ST6GALNAC5: variants seen among roughly 807,000 people sequenced by gnomAD.
ST6GALNAC5 encodes the protein ST6 N-acetylgalactosaminide alpha-2,6-sialyltransferase 5, also known as alpha-N-acetylgalactosaminide alpha-2,6-sialyltransferase 5.
In ST6GALNAC5, 27 loss-of-function variants were observed where a neutral mutation model predicts 33.6. The observed-to-expected ratio is 0.80, with a 90% CI of 0.59 to 1.11. ST6GALNAC5 has a LOEUF of 1.11. Among genes scored for constraint, ST6GALNAC5 ranks in the 50% least tolerant of loss-of-function variants. The pLI is 0.00. For synonymous variants in ST6GALNAC5, 194 were observed against 171.2 expected, an observed-to-expected ratio of 1.13 and a Z score of -1.04; for missense variants, 428 against 454.0, an observed-to-expected ratio of 0.94 and a Z score of 0.52.
At chr1:76,909,950 A>G (rs986423248) in intron 2 of ST6GALNAC5, among the ~76,000 whole-genome samples, 3 of 152,070 alleles carry the variant, frequency 2.0e-5, no homozygotes, top group African/African-American at 7.2e-5. Flanking sequence ...AAATAACAAT[A>G]AGAAAACACC....
chr1:77,007,566 G>C (rs1650471756), intron 2 of ST6GALNAC5, among the ~76,000 whole-genome samples: 1 of 152,210 alleles, frequency 6.6e-6, no homozygotes, highest in Non-Finnish European at 1.5e-5. Context: ...ATTGTTTAAA[G>C]AGGAAGAAGT....
At chr1:76,996,092 A>G (rs934463104) in intron 2 of ST6GALNAC5, among the ~76,000 whole-genome samples, 3 of 152,212 alleles carry the variant, frequency 2.0e-5, no homozygotes, top group African/African-American at 7.2e-5. Context: ...ATTGTCCCCC[A>G]TACCAGTCTG....
At chr1:77,018,313 AAC>A (rs1463084906) in intron 2 of ST6GALNAC5, among the ~76,000 whole-genome samples, 1 of 152,224 alleles carries the variant, frequency 6.6e-6, no homozygotes, top group Non-Finnish European at 1.5e-5. Context: ...GAATCTTAAC[AAC>A]AGTTAGAAAC....
At chr1:76,966,967 A>C (rs1177714059) in intron 2 of ST6GALNAC5, among the ~76,000 whole-genome samples, 1 of 152,166 alleles carries the variant, frequency 6.6e-6, no homozygotes, top group Non-Finnish European at 1.5e-5. Context: ...GTGGTGCATA[A>C]GCTTTTTGAT....
intron 2 of ST6GALNAC5, among the ~76,000 whole-genome samples, chr1:76,975,312 T>C (rs1648962679): frequency 6.6e-6 from 1 of 152,170 alleles, no homozygotes; most frequent in South Asian, 2.1e-4. Flanking sequence ...CAAATGATTT[T>C]TTGTATCTAT....
intron 2 of ST6GALNAC5, among the ~76,000 whole-genome samples, chr1:76,985,330 A>G (rs1426520913): frequency 6.6e-6 from 1 of 152,216 alleles, no homozygotes; most frequent in Non-Finnish European, 1.5e-5. Context: ...AGGATACAAA[A>G]TCAAGTGCAA....
chr1:77,025,596 G>A (rs547921639), intron 2 of ST6GALNAC5, among the ~76,000 whole-genome samples: 34 of 152,292 alleles, frequency 2.2e-4, no homozygotes, highest in Admixed American at 1.8e-3. Flanking sequence ...AACATGGGGT[G>A]CATCTGTAGC....
intron 4 of ST6GALNAC5, among the ~76,000 whole-genome samples, chr1:77,059,671 A>T (rs933783415): frequency 6.6e-6 from 1 of 152,188 alleles, no homozygotes; most frequent in African/African-American, 2.4e-5. Flanking sequence ...CTTTCAGGTT[A>T]TGCAGGTAGC....
At chr1:76,975,179 G>A (rs1456531784) in intron 2 of ST6GALNAC5, among the ~76,000 whole-genome samples, 1 of 152,002 alleles carries the variant, frequency 6.6e-6, no homozygotes, top group Non-Finnish European at 1.5e-5. Context: ...GATACTTCTA[G>A]TATTTCTCCA....
At chr1:76,944,566 G>T (rs1465538526) in intron 2 of ST6GALNAC5, among the ~76,000 whole-genome samples, 2 of 152,044 alleles carry the variant, frequency 1.3e-5, no homozygotes, top group African/African-American at 2.4e-5. Context: ...GGCATCCCCA[G>T]TGCTGGTATG....
intron 2 of ST6GALNAC5, among the ~76,000 whole-genome samples, chr1:77,043,090 GAGACAGTACAGGA>G: frequency 6.6e-6 from 1 of 152,342 alleles, no homozygotes; most frequent in Non-Finnish European, 1.5e-5. Context: ...TCAATTTCCT[GAGACAGTACAGGA>G]AGCCAGCGTG....
At chr1:76,895,705 G>A (rs1654116221) in intron 2 of ST6GALNAC5, among the ~76,000 whole-genome samples, 3 of 152,164 alleles carry the variant, frequency 2.0e-5, no homozygotes, top group Admixed American at 1.3e-4. Flanking sequence ...AGTGTAAACT[G>A]GCAGTGTAAA....
At chr1:76,989,884 G>A (rs998714763) in intron 2 of ST6GALNAC5, among the ~76,000 whole-genome samples, 22 of 152,048 alleles carry the variant, frequency 1.4e-4, no homozygotes, top group African/African-American at 5.1e-4. Context: ...CATCACTTGC[G>A]GGAAGGAAAT....
chr1:77,033,546 A>T (rs1235345052), intron 2 of ST6GALNAC5, among the ~76,000 whole-genome samples: 1 of 152,140 alleles, frequency 6.6e-6, no homozygotes, highest in Non-Finnish European at 1.5e-5. Flanking sequence ...TAACGTATGT[A>T]TTGGGCTCGG....
intron 2 of ST6GALNAC5, among the ~76,000 whole-genome samples, chr1:76,923,541 A>C (rs1189039796): frequency 1.3e-5 from 2 of 151,980 alleles, no homozygotes; most frequent in Admixed American, 1.3e-4. Context: ...AAAAATACAA[A>C]AATTAGCCAG....
chr1:76,994,962 C>T (rs553932349), intron 2 of ST6GALNAC5, among the ~76,000 whole-genome samples: 10 of 152,250 alleles, frequency 6.6e-5, no homozygotes, highest in African/African-American at 2.4e-4. Flanking sequence ...TTTCTAAGGT[C>T]AGCTTTAAGG....
chr1:77,021,666 T>G (rs1033855310), intron 2 of ST6GALNAC5, among the ~76,000 whole-genome samples: 1 of 152,228 alleles, frequency 6.6e-6, no homozygotes, highest in Non-Finnish European at 1.5e-5. Flanking sequence ...TGTCTTTCTT[T>G]GTGGATATTC....
intron 2 of ST6GALNAC5, among the ~76,000 whole-genome samples, chr1:76,929,307 G>A (rs1035408922): frequency 2.0e-5 from 3 of 152,220 alleles, no homozygotes; most frequent in African/African-American, 4.8e-5. Flanking sequence ...TTGAGAGGCC[G>A]AGGCAGGAGG....
intron 2 of ST6GALNAC5, among the ~76,000 whole-genome samples, chr1:76,924,658 AT>A (rs1287362749): frequency 6.6e-6 from 1 of 152,082 alleles, no homozygotes; most frequent in Non-Finnish European, 1.5e-5. Context: ...TCTACACCAT[AT>A]CCTTGGTGTA....
Sources: allele counts gnomAD v4.1 joint callset (sites outside exome capture counted in the v4.1 genomes callset), GRCh38; gene constraint gnomAD v4.1.1; transcripts MANE v1.5; gene names NCBI Gene and HGNC (gene_info 2026-07-23, HGNC 2026-07-21).